CSMD1: variants seen among roughly 807,000 people sequenced by gnomAD.
CSMD1 encodes CUB and Sushi multiple domains 1.
CSMD1 carries 213 observed loss-of-function variants against 417.5 expected under a neutral mutation model. The ratio of observed to expected loss-of-function variants is 0.51; its 90% CI spans 0.46 to 0.57. CSMD1 has a LOEUF of 0.57. Among genes scored for constraint, CSMD1 ranks in the 20% least tolerant of loss-of-function variants. The pLI is 0.00. For synonymous variants in CSMD1, 2,862 were observed against 1,736.8 expected (o/e 1.65, Z -16.11); for missense variants, 6,923 against 4,529.7 (o/e 1.53, Z -15.17).
At chr8:4,156,052 T>G (rs188310596) in intron 3 of CSMD1, among the ~76,000 whole-genome samples, 15 of 152,204 alleles carry the variant, frequency 9.9e-5, no homozygotes, top group African/African-American at 3.6e-4. Context: ...CTCCATAGAT[T>G]CCTACAGAAA....
Position 2,951,195 on chromosome 8 carries a change from T to C in CSMD1, c.10120A>G (p.Thr3374Ala), listed in dbSNP as rs1802605651. The C allele has an allele frequency of 6.2e-7, 1 of 1,613,510 alleles. No individual in the cohort carries two copies. The highest frequency in any genetic ancestry group is 2.2e-5 in the East Asian group (1 of 44,824). ...YLGKRQPATL[T>A]VDWFNATSSK... The stretch of plus-strand genomic sequence containing the variant: ...CTTGTTGCATTGAACCAGTCAACAG[T>C]TAGAGTGGCGGGTTGTCTTTTCCCT... Residue 3374 changes from threonine (T) to alanine (A), a missense_variant, in exon 66 of 70, where the codon ACT (threonine) becomes GCT (alanine). By Grantham distance (58) the Thr-to-Ala change is moderately conservative (BLOSUM62 0). Coordinates refer to ENST00000635120, the MANE Select transcript of CSMD1 (RefSeq NM_033225.6).
At chr8:2,962,073 C>T (rs1803540711) in intron 61 of CSMD1, among the ~76,000 whole-genome samples, 1 of 151,864 alleles carries the variant, frequency 6.6e-6, no homozygotes, top group South Asian at 2.1e-4. Context: ...CAAAATTAAC[C>T]CAGCGATAAA....
chr8:3,645,806 C>G (rs965608484), intron 7 of CSMD1, among the ~76,000 whole-genome samples: 50 of 152,282 alleles, frequency 3.3e-4, no homozygotes, highest in African/African-American at 1.1e-3. Flanking sequence ...ACAAAGCTGT[C>G]TATTCAAATG....
chr8:3,255,966 G>C (rs1165877218), intron 26 of CSMD1, among the ~76,000 whole-genome samples: 27 of 152,104 alleles, frequency 1.8e-4, no homozygotes, highest in Admixed American at 1.8e-3. Context: ...GTTCATGCTG[G>C]GAGCTGTAGA....
At chr8:4,402,819 T>TC (rs1804737722) in intron 3 of CSMD1, among the ~76,000 whole-genome samples, 28 of 67,200 alleles carry the variant, frequency 4.2e-4, no homozygotes, top group African/African-American at 1.5e-3. Flanking sequence ...TTTTTTTTTT[T>TC]TCTTTTTTTT....
chr8:3,651,023 C>T (rs541127751), intron 7 of CSMD1, among the ~76,000 whole-genome samples: 8 of 152,296 alleles, frequency 5.3e-5, no homozygotes, highest in Non-Finnish European at 1.2e-4. Flanking sequence ...TCAGCCTTGA[C>T]TCTTTTCATC....
intron 1 of CSMD1, among the ~76,000 whole-genome samples, chr8:4,841,044 C>T (rs1195362831): frequency 6.6e-6 from 1 of 152,214 alleles, no homozygotes. Context: ...TCAGCACCAA[C>T]GTTCTTCCTG....
At chr8:3,474,153 C>T (rs4875720) in intron 11 of CSMD1, among the ~76,000 whole-genome samples, 34,345 of 152,040 alleles carry the variant, frequency 0.23, 5,251 homozygotes, top group East Asian at 0.59. Context: ...TCTGCCTGGA[C>T]TTGCTCCCAG....
intron 2 of CSMD1, among the ~76,000 whole-genome samples, chr8:4,431,429 G>C (rs1281211454): frequency 1.3e-5 from 2 of 152,132 alleles, no homozygotes. Flanking sequence ...AACAAGGTGA[G>C]AGGAGAGCGA....
At chr8:4,190,764 G>A (rs570494283) in intron 3 of CSMD1, among the ~76,000 whole-genome samples, 3 of 152,210 alleles carry the variant, frequency 2.0e-5, no homozygotes, top group African/African-American at 7.2e-5. Flanking sequence ...ACAGTACTAT[G>A]CGGCCATTAT....
At chr8:3,889,986 A>T (rs1358538139) in intron 5 of CSMD1, among the ~76,000 whole-genome samples, 1 of 152,134 alleles carries the variant, frequency 6.6e-6, no homozygotes, top group Non-Finnish European at 1.5e-5. Flanking sequence ...AGCTCGAGAC[A>T]ACCCTGGGAA....
At chr8:4,957,478 G>C (rs888679794) in intron 1 of CSMD1, among the ~76,000 whole-genome samples, 2 of 152,128 alleles carry the variant, frequency 1.3e-5, no homozygotes, top group African/African-American at 4.8e-5. Context: ...TTTCAGGGAA[G>C]ACACACATAT....
In CSMD1 at chr8:3,029,497, G is replaced by A. The variant is rs1177230702; in HGVS notation, c.7677C>T (p.Ser2559=). 6.3e-7 allele frequency: 1 copy of A among 1,597,954 alleles called. No individual in the cohort carries two copies. Among genetic ancestry groups the A allele is most frequent in the East Asian group, 2.3e-5 (1 of 44,380 alleles). ...CATGTTCTGAGAGCTGAGCTTCAAT[G>A]CTGGGGCAAGCGACCGCTGGAAGGG... ...PPTCKPVACP[S]IEAQLSEHVI... is the part of the protein sequence containing the mutation. Residue 2559 remains serine (S), a synonymous_variant, in exon 51 of 70, where the codon AGC becomes AGT. Transcript: ENST00000635120.
At chr8:3,749,192 A>C (rs1489904935) in intron 6 of CSMD1, among the ~76,000 whole-genome samples, 1 of 152,198 alleles carries the variant, frequency 6.6e-6, no homozygotes, top group Non-Finnish European at 1.5e-5. Context: ...ATAATTAATG[A>C]TGGAGGCAAC....
At chr8:3,752,421 G>A (rs1265573351) in intron 6 of CSMD1, among the ~76,000 whole-genome samples, 2 of 152,140 alleles carry the variant, frequency 1.3e-5, no homozygotes, top group East Asian at 1.9e-4. Flanking sequence ...TTGGGAGGCC[G>A]AGGCAGGCAG....
At chr8:3,896,848 G>C (rs949538493) in intron 5 of CSMD1, among the ~76,000 whole-genome samples, 3 of 151,868 alleles carry the variant, frequency 2.0e-5, no homozygotes, top group Admixed American at 6.6e-5. Flanking sequence ...ATAAATGTCA[G>C]GAAAAAAATT....
intron 1 of CSMD1, among the ~76,000 whole-genome samples, chr8:4,685,038 C>T (rs1239654415): frequency 6.6e-6 from 1 of 152,130 alleles, no homozygotes; most frequent in Non-Finnish European, 1.5e-5. Flanking sequence ...ATAGCAGCTT[C>T]CAACATGATT....
At chr8:4,006,427 C>T (rs528907177) in intron 4 of CSMD1, among the ~76,000 whole-genome samples, 14 of 152,278 alleles carry the variant, frequency 9.2e-5, no homozygotes, top group Non-Finnish European at 4.4e-5. Flanking sequence ...GCCTGTAATT[C>T]CAGCTTCTTG....
intron 1 of CSMD1, among the ~76,000 whole-genome samples, chr8:4,737,482 G>C (rs1810317404): frequency 6.6e-6 from 1 of 151,938 alleles, no homozygotes; most frequent in Non-Finnish European, 1.5e-5. Context: ...CTGTACCCCT[G>C]AAGTTAAAAT....
Sources: allele counts gnomAD v4.1 joint callset (sites outside exome capture counted in the v4.1 genomes callset), GRCh38; gene constraint gnomAD v4.1.1; transcripts MANE v1.5; gene names NCBI Gene and HGNC (gene_info 2026-07-23, HGNC 2026-07-21).